ZNF638: variants seen among roughly 807,000 people sequenced by gnomAD.
The protein encoded by ZNF638 is CTCL tumor antigen se33-1.
ZNF638 carries 46 observed loss-of-function variants against 195.6 expected under a neutral mutation model. The observed-to-expected ratio is 0.24, with a 90% CI of 0.19 to 0.30. The LOEUF is 0.30. Among genes scored for constraint, ZNF638 ranks in the 10% least tolerant of loss-of-function variants. ZNF638 has a pLI of 1.00. For synonymous variants in ZNF638, 845 were observed against 772.0 expected (o/e 1.09, Z -1.57); for missense variants, 2,440 against 2,325.3 (o/e 1.05, Z -1.01).
At chr2:71,400,605 A>G (rs2079987733) in intron 15 of ZNF638, 87 bp downstream of exon 15, 1 of 1,150,180 alleles carries the variant, frequency 8.7e-7, no homozygotes, top group Non-Finnish European at 1.2e-6. Context: ...TAAAAAATTC[A>G]TGGTATTTGG....
intron 3 of ZNF638, among the ~76,000 whole-genome samples, chr2:71,359,266 C>T (rs1446458485): frequency 6.6e-6 from 1 of 152,146 alleles, no homozygotes; most frequent in Non-Finnish European, 1.5e-5. Flanking sequence ...TCAAAAGCTT[C>T]CAAACCAAGG....
chr2:71,362,993 A>G (rs1284908841), intron 3 of ZNF638, among the ~76,000 whole-genome samples, 160 bp from the exon 4 acceptor site: 1 of 152,176 alleles, frequency 6.6e-6, no homozygotes, highest in African/African-American at 2.4e-5. Context: ...TGATACACCT[A>G]TTAGCATAAT....
chr2:71,363,770 T>A (rs924733970), intron 4 of ZNF638, among the ~76,000 whole-genome samples, 184 bp from the exon 5 acceptor site: 5 of 152,238 alleles, frequency 3.3e-5, no homozygotes, highest in Admixed American at 1.3e-4. Flanking sequence ...GTTCTGATTG[T>A]TTCTTATTTA....
At position 71,423,572 on chromosome 2, in the gene ZNF638, C is replaced by G. The variant is rs1372574422; in HGVS notation, c.4058C>G (p.Pro1353Arg). 4 of 1,613,834 alleles carry G rather than the reference C, an allele frequency of 2.5e-6. No homozygotes were observed. In the South Asian group the frequency reaches 4.4e-5, roughly 18 times the overall value. ...VEKMAAMKEK[P>R]AENTLFKAYP... ...AAGATGGCAGCAATGAAAGAAAAGC[C>G]TGCAGAAAACACTTTATTCAAGGCA... Residue 1353 changes from proline to arginine, a missense_variant, in exon 22 of 28, where the codon CCT becomes CGT. By Grantham distance (103) the Pro-to-Arg change is moderately radical. Transcript: ENST00000264447.
intron 20 of ZNF638, among the ~76,000 whole-genome samples, chr2:71,417,015 C>T (rs1055305441): frequency 3.6e-4 from 52 of 145,170 alleles, no homozygotes; most frequent in African/African-American, 1.3e-3. Flanking sequence ...CCAGTTCGAG[C>T]TTCCCGGCTG....
chr2:71,380,612 G>T (rs1315539037), intron 10 of ZNF638, 47 bp downstream of exon 10: 2 of 1,488,500 alleles, frequency 1.3e-6, no homozygotes, highest in Non-Finnish European at 1.8e-6. Flanking sequence ...TATCTTGTCA[G>T]TTTAGTAGAA....
rs968234100 is a variant in ZNF638, at chr2:71,402,568, T to C, written c.2829+481T>C. ...GTATTTCATACTCTTTCTGCTCTTA[T>C]CAGTGATACTCAAATGGGAAGTAAC... On this transcript the variant is annotated intron_variant, in intron 16 of 27. Coordinates refer to ENST00000264447, the MANE Select transcript of ZNF638 (RefSeq NM_014497.5). Among the ~76,000 whole-genome samples, 10 of 152,236 alleles carry C rather than the reference T, an allele frequency of 6.6e-5. 1 individual carries two copies. Among genetic ancestry groups the C allele is most frequent in the South Asian group, 4.1e-4 (2 of 4,826 alleles).
intron 17 of ZNF638, among the ~76,000 whole-genome samples, chr2:71,404,858 T>C (rs1270384249): frequency 6.6e-6 from 1 of 152,248 alleles, no homozygotes; most frequent in Non-Finnish European, 1.5e-5. Context: ...TGCCTCTATG[T>C]GACCTATAAA....
At chr2:71,367,793 ACTC>A (rs985014756) in intron 6 of ZNF638, among the ~76,000 whole-genome samples, 8 of 148,932 alleles carry the variant, frequency 5.4e-5, no homozygotes, top group African/African-American at 2.0e-4. Context: ...CTGGTCTTAA[ACTC>A]CTGGCCTCAA....
chr2:71,347,426 A>C (rs1204029954), intron 1 of ZNF638, among the ~76,000 whole-genome samples: 1 of 152,220 alleles, frequency 6.6e-6, no homozygotes, highest in Non-Finnish European at 1.5e-5. Flanking sequence ...CAAATTAACA[A>C]TTACTAACAT....
rs528571075 is a variant in ZNF638, at chr2:71,421,342, GA to G, written c.3300-1465del. 1.3e-3 allele frequency among the ~76,000 whole-genome samples: 179 copies of G among 142,754 alleles called. 7 individuals are homozygous for G. In the South Asian group the frequency reaches 0.035, roughly 28 times the overall value. 93.7% of individuals were successfully genotyped at this position (142,754 alleles called of 152,430 possible). On this transcript the variant is annotated intron_variant, in intron 21 of 27. Coordinates refer to ENST00000264447, the MANE Select transcript of ZNF638 (RefSeq NM_014497.5). ...TCTTAAAATTAGCCATTTATATTTT[GA>G]AAAAAAGGGGTGTGATTATTTTAAA... is the stretch of plus-strand genomic sequence containing the variant.
intron 1 of ZNF638, among the ~76,000 whole-genome samples, chr2:71,334,810 A>G (rs1214837719): frequency 2.6e-5 from 4 of 151,062 alleles, no homozygotes; most frequent in African/African-American, 9.8e-5. Flanking sequence ...AGTCCCAGCG[A>G]CTCGGGAGGC....
At chr2:71,390,111 C>G (rs941905666) in intron 10 of ZNF638, among the ~76,000 whole-genome samples, 1 of 152,090 alleles carries the variant, frequency 6.6e-6, no homozygotes, top group East Asian at 1.9e-4. Context: ...TATATGCCCC[C>G]GACGTAGAAA....
intron 10 of ZNF638, among the ~76,000 whole-genome samples, chr2:71,394,498 C>A (rs1271183865): frequency 6.6e-6 from 1 of 152,144 alleles, no homozygotes; most frequent in Non-Finnish European, 1.5e-5. Context: ...ATGTTTGTGA[C>A]CTGAGTGCAA....
chr2:71,410,519 A>T (rs372655827), intron 20 of ZNF638, among the ~76,000 whole-genome samples: 1 of 152,046 alleles, frequency 6.6e-6, no homozygotes, highest in Admixed American at 6.6e-5. Context: ...CCCTAAACTA[A>T]TATTTATCTA....
chr2:71,361,729 T>C (rs923059635), intron 3 of ZNF638: 31 of 152,242 alleles, frequency 2.0e-4, no homozygotes, highest in African/African-American at 7.2e-4. Context: ...TTCTCAGATG[T>C]CTGTCAGGGG....
At position 71,423,904 on chromosome 2, in the gene ZNF638, A is replaced by C; in HGVS notation, c.4390A>C (p.Thr1464Pro). 1 of 1,614,074 alleles carries C rather than the reference A, an allele frequency of 6.2e-7. No homozygotes were observed. Among genetic ancestry groups the C allele is most frequent in the Non-Finnish European group, 8.5e-7 (1 of 1,180,010 alleles). Residue 1464 changes from threonine to proline, a missense_variant, in exon 22 of 28, where the codon ACC becomes CCC. Physicochemically the swap from Thr to Pro is conservative, Grantham distance 38. This residue lies in a region of ZNF638 where 1,883 missense variants were observed against 1,739.1 expected (regional missense o/e 1.08). Transcript: ENST00000264447. ...SKFKPTQSSLTRGGSGRISAL... is the reference protein window; with the variant it reads ...SKFKPTQSSLPRGGSGRISAL... Reference sequence around the variant, plus strand: ...ATTCAAACCTACTCAGAGCAGTCTTACCAGAGGAGGCAGTGGAAGGATCTC... The same window carrying C: ...ATTCAAACCTACTCAGAGCAGTCTTCCCAGAGGAGGCAGTGGAAGGATCTC...
Position 71,396,124 on chromosome 2 carries a change from T to C in ZNF638, c.2378-17T>C, listed in dbSNP as rs371068509. ...TATTTGTAATGTAGTACTTAAATGT[T>C]TTTCTTGTTGTTTTAGCCAAAACTG... On this transcript the variant is annotated splice_polypyrimidine_tract_variant and intron_variant, in intron 10 of 27. Transcript: ENST00000264447. The C allele has an allele frequency of 1.2e-6, 2 of 1,611,218 alleles. No individual in the cohort carries two copies. The highest frequency in any genetic ancestry group is 8.5e-7 in the Non-Finnish European group (1 of 1,178,558).
chr2:71,360,217 A>G (rs892526338), intron 3 of ZNF638, among the ~76,000 whole-genome samples: 12 of 152,346 alleles, frequency 7.9e-5, no homozygotes, highest in Admixed American at 2.0e-4. Context: ...TTCTTCATCT[A>G]TATTCACCAT....
Sources: gnomAD v4.1 joint callset for allele counts (sites outside exome capture counted in the v4.1 genomes callset) on GRCh38, gnomAD v4.1.1 for gene constraint, gnomAD v4.1.1 regional missense constraint, MANE v1.5 for transcripts, NCBI Gene and HGNC (gene_info 2026-07-23, HGNC 2026-07-21) for gene names.